The following MYBBP1A variants were observed in gnomAD, a reference collection of about 807,000 sequenced individuals.
MYBBP1A encodes MYB binding protein 1a, also known as myb-binding protein 1A.
Under a neutral mutation model 136.3 loss-of-function variants are expected in MYBBP1A, and 147 were observed. That is an observed-to-expected ratio of 1.08 (90% confidence interval 0.94 to 1.24). The LOEUF is 1.24. Among genes scored for constraint, MYBBP1A ranks in the 50% most tolerant of loss-of-function variants. The pLI, the probability that MYBBP1A is intolerant of heterozygous loss-of-function variation, is 0.00. For synonymous variants in MYBBP1A, 947 were observed against 735.8 expected (o/e 1.29, Z -4.65); for missense variants, 2,060 against 1,727.4 (o/e 1.19, Z -3.41).
At chr17:4,544,292 C>T (rs1906741846) in intron 19 of MYBBP1A, among the ~76,000 whole-genome samples, 197 bp downstream of exon 19, 4 of 150,002 alleles carry the variant, frequency 2.7e-5, no homozygotes, top group South Asian at 2.1e-4. Flanking sequence ...GTCGGGAGAA[C>T]GCGGGGATGA....
intron 23 of MYBBP1A, 54 bp from the exon 24 acceptor site, chr17:4,541,618 T>C: frequency 6.3e-7 from 1 of 1,577,350 alleles, no homozygotes; most frequent in Admixed American, 1.7e-5. Context: ...AAAGCCTTTC[T>C]GTTTCCCAGC....
chr17:4,553,702 C>T, intron 5 of MYBBP1A, 108 bp downstream of exon 5: 2 of 787,596 alleles, frequency 2.5e-6, no homozygotes, highest in Non-Finnish European at 2.0e-6. Context: ...TCAAATTATA[C>T]ATCTTTGTAT....
In MYBBP1A at chr17:4,552,392, C is replaced by T; in HGVS notation, c.737+59G>A. 2 of 1,603,556 alleles carry T rather than the reference C, an allele frequency of 1.2e-6. No individual in the cohort carries two copies. The highest frequency in any genetic ancestry group is 8.5e-7 in the Non-Finnish European group (1 of 1,175,404). On this transcript the variant is annotated intron_variant, in intron 6 of 25. Transcript: ENST00000254718. This position sits in a 1 kb window ranked among gnomAD's most constrained non-coding sequence, Gnocchi z 4.7. ...CCCCAGGCCAAACGACAAATCTGGG[C>T]CTGGCCAGATGCAGTCCCTTGGCCC...
chr17:4,545,285 C>T lies in MYBBP1A; in HGVS notation c.2134G>A (p.Asp712Asn). The change falls in exon 16 of 26, where the codon GAT becomes AAT. Residue 712 changes from aspartate to asparagine, a missense_variant. Coordinates refer to ENST00000254718, the MANE Select transcript of MYBBP1A (RefSeq NM_014520.4). The stretch of plus-strand genomic sequence containing the variant: ...TCTGCACCCTTCAGCCGCCGCTCAT[C>T]AGAATCGTCCGTCACCACCACACGG... ...NDRVVVTDDS[D>N]ERRLKGAEDK... is the part of the protein sequence containing the mutation. 1 of 1,613,196 alleles carries T rather than the reference C, an allele frequency of 6.2e-7. No homozygotes were observed. Among genetic ancestry groups the T allele is most frequent in the Admixed American group, 1.7e-5 (1 of 59,998 alleles).
At position 4,552,113 on chromosome 17, in the gene MYBBP1A, C is replaced by T. The variant is rs368143196; in HGVS notation, c.905+12G>A. On this transcript the variant is annotated intron_variant, in intron 7 of 25. Coordinates refer to ENST00000254718, the MANE Select transcript of MYBBP1A (RefSeq NM_014520.4). The surrounding 1 kb of genome is among the most constrained non-coding windows in gnomAD (Gnocchi z 4.7). Reference sequence around the variant, plus strand: ...GGGAAGGGGGCCGAGAGAGGACACGCGTCGCCCGCACCTGGCTGGCCAGAA... The same window carrying T: ...GGGAAGGGGGCCGAGAGAGGACACGTGTCGCCCGCACCTGGCTGGCCAGAA... The T allele has an allele frequency of 1.7e-4, 273 of 1,611,490 alleles. No individual in the cohort carries two copies. The highest frequency in any genetic ancestry group is 2.1e-4 in the Non-Finnish European group (248 of 1,178,550).
intron 17 of MYBBP1A, 40 bp downstream of exon 17, chr17:4,544,986 G>GCCCGGCCC: frequency 1.4e-6 from 2 of 1,464,168 alleles, no homozygotes; most frequent in Non-Finnish European, 9.1e-7. Context: ...GGACACCCGA[G>GCCCGGCCC]CCCTCCCCGG....
At chr17:4,542,407 A>C in intron 22 of MYBBP1A, 57 bp downstream of exon 22, 1 of 1,527,752 alleles carries the variant, frequency 6.5e-7, no homozygotes, top group South Asian at 1.2e-5. Flanking sequence ...CAGTCAGAAG[A>C]GGGTTAAGCG....
rs370011170 is a variant in MYBBP1A at position 4,551,912 on chromosome 17, G to A, written c.991C>T (p.Arg331Cys). 2.5e-5 allele frequency: 40 copies of A among 1,613,266 alleles called. No individual in the cohort carries two copies. The highest frequency in any genetic ancestry group is 5.5e-5 in the South Asian group (5 of 91,052). The part of the protein sequence containing the change: ...LHLVMQGDVI[R>C]HYGEHVCTAK... Reference sequence around the variant, plus strand: ...GTGCACACGTGCTCCCCGTAATGGCGGATCACGTCTCCCTGCATCACCAGG... The same window carrying A: ...GTGCACACGTGCTCCCCGTAATGGCAGATCACGTCTCCCTGCATCACCAGG... The change falls in exon 8 of 26, where the codon CGC (arginine) becomes TGC (cysteine). Residue 331 changes from arginine (R) to cysteine (C), a missense_variant. By Grantham distance (180) the Arg-to-Cys change is radical. Transcript: ENST00000254718.
intron 13 of MYBBP1A, among the ~76,000 whole-genome samples, chr17:4,547,371 C>T (rs902993246): frequency 2.6e-5 from 4 of 152,164 alleles, no homozygotes; most frequent in Non-Finnish European, 4.4e-5. Context: ...GAAGGGGCAT[C>T]GTGGCCAACC....
intron 20 of MYBBP1A, 74 bp downstream of exon 20, chr17:4,542,839 C>G: frequency 1.9e-6 from 3 of 1,603,066 alleles, no homozygotes; most frequent in Non-Finnish European, 2.6e-6. Flanking sequence ...GAGGGTTGGG[C>G]CCTGGGGAAG....
At chr17:4,549,785 CAAAAAAA>C (rs60360356) in intron 9 of MYBBP1A, among the ~76,000 whole-genome samples, 10 of 65,392 alleles carry the variant, frequency 1.5e-4, no homozygotes, top group African/African-American at 3.8e-4. Flanking sequence ...GAGACTCTGT[CAAAAAAA>C]AAAAAAAAAA....
intron 13 of MYBBP1A, 118 bp from the exon 14 acceptor site, chr17:4,546,060 T>C (rs1906988181): frequency 3.6e-6 from 3 of 825,756 alleles, no homozygotes; most frequent in African/African-American, 1.7e-5. Context: ...ACCCAGCCAC[T>C]GGCCCGCCCT....
chr17:4,550,227 CTTGG>C lies in MYBBP1A; in HGVS notation c.1146_1149del (p.Asn382LysfsTer16). Reference sequence around the variant, plus strand: ...CAGAAAGTAGGCGTGACAGGGAGGCCTTGGTTGGTGACAGATGAGAAGGCCACTA... The same window carrying C: ...CAGAAAGTAGGCGTGACAGGGAGGCCTTGGTGACAGATGAGAAGGCCACTA... On this transcript the variant is annotated frameshift_variant, in exon 9 of 26. Transcript: ENST00000254718. LOFTEE classifies it high-confidence loss of function. 1.2e-6 allele frequency: 2 copies of C among 1,613,810 alleles called. No homozygotes were observed. The highest frequency in any genetic ancestry group is 1.6e-4 in the Middle Eastern group (1 of 6,062).
In MYBBP1A at chr17:4,550,215, T is replaced by A. The variant is rs764794794; in HGVS notation, c.1162A>T (p.Thr388Ser). 39 of 1,613,698 alleles carry A rather than the reference T, an allele frequency of 2.4e-5. No homozygotes were observed. The highest frequency in any genetic ancestry group is 3.1e-5 in the Non-Finnish European group (36 of 1,180,038). Residue 388 changes from threonine (T) to serine (S), a missense_variant, in exon 9 of 26, where the codon ACG (threonine) becomes TCG (serine). Physicochemically the swap from Thr to Ser is moderately conservative, Grantham distance 58. Coordinates refer to ENST00000254718, the MANE Select transcript of MYBBP1A (RefSeq NM_014520.4). ...CGCACGACCCGCCAGAAAGTAGGCG[T>A]GACAGGGAGGCCTTGGTTGGTGACA... ...SSVTNQGLPVTPTFWRVVRFL... is the reference protein window; with the variant it reads ...SSVTNQGLPVSPTFWRVVRFL...
At chr17:4,543,361 G>C in intron 19 of MYBBP1A, 196 bp from the exon 20 acceptor site, 1 of 696,444 alleles carries the variant, frequency 1.4e-6, no homozygotes, top group Non-Finnish European at 2.3e-6. Flanking sequence ...GTGCTGGGGT[G>C]ACAGGGGCGC....
chr17:4,539,290 C>T lies in MYBBP1A; in HGVS notation c.*125G>A, dbSNP rs1906107013. The T allele has an allele frequency of 6.7e-7, 1 of 1,494,054 alleles. No individual in the cohort carries two copies. Among genetic ancestry groups the T allele is most frequent in the Admixed American group, 2.3e-5 (1 of 43,338 alleles). 92.5% of individuals were successfully genotyped at this position (1,494,054 alleles called of 1,614,324 possible). Reference sequence around the variant, plus strand: ...GGATGCCCGGGCAGGCGGCAACAGCCACCCTCCCCAGTGGCAGCGCCTTAG... The same window carrying T: ...GGATGCCCGGGCAGGCGGCAACAGCTACCCTCCCCAGTGGCAGCGCCTTAG... On this transcript the variant is annotated 3_prime_UTR_variant, in exon 26 of 26. Transcript: ENST00000254718.
rs1907944132 is a variant in MYBBP1A, at chr17:4,555,381, G to C, written c.-57C>G. ...TGTGCTCCGGCCCCAGCCGCTTCCA[G>C]GTCAGGGCACGGCGCATGCGCACCG... On this transcript the variant is annotated 5_prime_UTR_variant, in exon 1 of 26. Coordinates refer to ENST00000254718, the MANE Select transcript of MYBBP1A (RefSeq NM_014520.4). 1 of 1,548,066 alleles carries C rather than the reference G, an allele frequency of 6.5e-7. No individual in the cohort carries two copies. The highest frequency in any genetic ancestry group is 2.0e-5 in the Admixed American group (1 of 51,058).
Position 4,545,143 on chromosome 17 carries a change from G to C in MYBBP1A, c.2193C>G (p.Ser731Arg). 6.2e-7 allele frequency: 1 copy of C among 1,613,198 alleles called. No individual in the cohort carries two copies. The highest frequency in any genetic ancestry group is 8.5e-7 in the Non-Finnish European group (1 of 1,179,878). The change falls in exon 17 of 26, where the codon AGC becomes AGG. Residue 731 changes from serine (S) to arginine (R), a missense_variant. By Grantham distance (110) the Ser-to-Arg change is moderately radical (BLOSUM62 -1). Coordinates refer to ENST00000254718, the MANE Select transcript of MYBBP1A (RefSeq NM_014520.4). ...CCTCGCTCTCCTCTTCACTCTCTGA[G>C]CTTCTGTTGTCCTCACCTTCCTCGC... ...DKSEEGEDNR[S>R]SESEEESEGE...
chr17:4,548,499 C>A lies in MYBBP1A; in HGVS notation c.1556+25G>T, dbSNP rs747913683. ...CCTCAAGGCCTTCCCACCTTCGGAC[C>A]TCTCCTGGGCTGCCCAAGACTCACC... On this transcript the variant is annotated intron_variant, in intron 11 of 25. Coordinates refer to ENST00000254718, the MANE Select transcript of MYBBP1A (RefSeq NM_014520.4). This position sits in a 1 kb window ranked among gnomAD's most constrained non-coding sequence, Gnocchi z 4.2. 1 of 1,613,512 alleles carries A rather than the reference C, an allele frequency of 6.2e-7. No homozygotes were observed.
Sources: allele counts gnomAD v4.1 joint callset (sites outside exome capture counted in the v4.1 genomes callset), GRCh38; gene constraint gnomAD v4.1.1; non-coding constraint Gnocchi (gnomAD v3.1); transcripts MANE v1.5; gene names NCBI Gene and HGNC (gene_info 2026-07-23, HGNC 2026-07-21).